The following BCL11B variants were observed in gnomAD, a reference collection of about 807,000 sequenced individuals.
The protein encoded by BCL11B is BCL11 transcription factor B, also known as B-cell lymphoma/leukemia 11B.
In BCL11B, 8 loss-of-function variants were observed where a neutral mutation model predicts 49.9. The ratio of observed to expected loss-of-function variants is 0.16; its 90% CI spans 0.09 to 0.29. The LOEUF is 0.29. Among genes scored for constraint, BCL11B ranks in the 10% least tolerant of loss-of-function variants. The pLI is 1.00. For missense variants in BCL11B, 1,006 were observed against 1,351.0 expected (o/e 0.74, Z 4.00); for synonymous variants, 739 against 637.4 (o/e 1.16, Z -2.40).
rs1887150592 is a variant in BCL11B at position 99,195,385 on chromosome 14, A to G, written c.641-19190T>C. ...GGCTCCCCCAGCACCTCCATTTTGC[A>G]GATGAGACCAGAATGCTGCAGGCGA... On this transcript the variant is annotated intron_variant, in intron 3 of 3. Coordinates refer to ENST00000357195, the MANE Select transcript of BCL11B (RefSeq NM_138576.4). The surrounding 1 kb of genome is among the most constrained non-coding windows in gnomAD (Gnocchi z 4.7). Among the ~76,000 whole-genome samples, 1 of 152,126 alleles carries G rather than the reference A, an allele frequency of 6.6e-6. No homozygotes were observed. The highest frequency in any genetic ancestry group is 6.5e-5 in the Admixed American group (1 of 15,284).
intron 3 of BCL11B, among the ~76,000 whole-genome samples, chr14:99,196,697 C>T (rs1421517888): frequency 6.6e-5 from 10 of 152,172 alleles, no homozygotes; most frequent in African/African-American, 1.7e-4. Context: ...GTTTGTCCAC[C>T]ATCAGAGAGG....
chr14:99,202,429 AGCTCACT>A (rs2139822937), intron 3 of BCL11B, among the ~76,000 whole-genome samples: 1 of 152,358 alleles, frequency 6.6e-6, no homozygotes, highest in East Asian at 1.9e-4. Context: ...CCAGCTTGTC[AGCTCACT>A]GCCCTTCCAT....
At chr14:99,237,771 C>T (rs917013144) in intron 2 of BCL11B, among the ~76,000 whole-genome samples, 5 of 152,170 alleles carry the variant, frequency 3.3e-5, no homozygotes, top group Non-Finnish European at 4.4e-5. Flanking sequence ...TTCGAATCTA[C>T]GTTTGGCCTC....
intron 2 of BCL11B, among the ~76,000 whole-genome samples, chr14:99,237,521 A>G (rs1888538332): frequency 6.6e-6 from 1 of 152,110 alleles, no homozygotes; most frequent in South Asian, 2.1e-4. Flanking sequence ...GGAGCTCCCC[A>G]GGCCCCACCT....
At chr14:99,253,866 A>C (rs1426500366) in intron 2 of BCL11B, among the ~76,000 whole-genome samples, 1 of 152,218 alleles carries the variant, frequency 6.6e-6, no homozygotes, top group Non-Finnish European at 1.5e-5. Flanking sequence ...GTAAACCTAT[A>C]GGCAGCGATG....
chr14:99,212,762 C>T (rs989992162), intron 3 of BCL11B, among the ~76,000 whole-genome samples: 23 of 152,168 alleles, frequency 1.5e-4, no homozygotes, highest in African/African-American at 5.3e-4. Flanking sequence ...GTGACCCAGG[C>T]CCTGACAGGG....
chr14:99,224,265 ACT>A (rs746162969), intron 3 of BCL11B, among the ~76,000 whole-genome samples: 8 of 151,608 alleles, frequency 5.3e-5, no homozygotes, highest in Non-Finnish European at 1.0e-4. Flanking sequence ...CTGTTTTGAG[ACT>A]CTCTGTCCAA....
At chr14:99,215,011 A>C (rs1457617835) in intron 3 of BCL11B, among the ~76,000 whole-genome samples, 1 of 152,134 alleles carries the variant, frequency 6.6e-6, no homozygotes, top group East Asian at 1.9e-4. Context: ...CTGGACAGCT[A>C]CAGCGGAATG....
rs1023091517 is a variant in BCL11B, at chr14:99,231,146, G to A, written c.640+199C>T. On this transcript the variant is annotated intron_variant, in intron 3 of 3. Coordinates refer to ENST00000357195, the MANE Select transcript of BCL11B (RefSeq NM_138576.4). This position sits in a 1 kb window ranked among gnomAD's most constrained non-coding sequence, Gnocchi z 8.1. ...GACTCTCAGAACGGGTGGGGGCACC[G>A]TGGGGGACTCCTGACCGAGGGGCAC... Among the ~76,000 whole-genome samples, 4 of 152,204 alleles carry A rather than the reference G, an allele frequency of 2.6e-5. No homozygotes were observed. The highest frequency in any genetic ancestry group is 4.8e-5 in the African/African-American group (2 of 41,454).
chr14:99,230,862 T>C (rs1757454741), intron 3 of BCL11B, among the ~76,000 whole-genome samples: 1 of 152,172 alleles, frequency 6.6e-6, no homozygotes, highest in Admixed American at 6.5e-5. Context: ...ACTTTTTTTC[T>C]TTTTCAAAGC....
At chr14:99,249,969 C>T (rs2139936105) in intron 2 of BCL11B, among the ~76,000 whole-genome samples, 1 of 150,750 alleles carries the variant, frequency 6.6e-6, no homozygotes, top group African/African-American at 2.4e-5. Flanking sequence ...CTCACTAAAA[C>T]TACAAAAATT....
At chr14:99,206,201 C>T (rs2462916) in intron 3 of BCL11B, among the ~76,000 whole-genome samples, 120,192 of 152,020 alleles carry the variant, frequency 0.79, 47,871 homozygotes, top group Non-Finnish European at 0.84. Context: ...ATCTCTTATC[C>T]CTGGGGGCCA....
intron 3 of BCL11B, among the ~76,000 whole-genome samples, chr14:99,199,676 GTGTGTGTGCGCGCGCGCGCGCACGTGCA>G (rs1207221569): frequency 1.4e-5 from 1 of 70,386 alleles, no homozygotes; most frequent in Non-Finnish European, 3.4e-5. Context: ...GTGTGTGTGT[GTGTGTGTGCGCGCGCGCGCGCACGTGCA>G]CGTGTGTGCG....
chr14:99,240,574 G>A (rs1212256900), intron 2 of BCL11B, among the ~76,000 whole-genome samples: 1 of 152,130 alleles, frequency 6.6e-6, no homozygotes, highest in Non-Finnish European at 1.5e-5. Flanking sequence ...TATGTAGATG[G>A]CATTTAATAT....
chr14:99,243,430 G>T (rs1014401795), intron 2 of BCL11B, among the ~76,000 whole-genome samples: 1 of 152,126 alleles, frequency 6.6e-6, no homozygotes, highest in African/African-American at 2.4e-5. Flanking sequence ...AACAATAACA[G>T]TTCTCCATTT....
In BCL11B at chr14:99,242,295, TC is replaced by T. The variant is rs1315839017; in HGVS notation, c.428-10739del. On this transcript the variant is annotated intron_variant, in intron 2 of 3. Transcript: ENST00000357195. The surrounding 1 kb of genome is among the most constrained non-coding windows in gnomAD (Gnocchi z 4.4). ...CGTTGCATGATCTTGTCCCCCTGCT[TC>T]CCTACCTTTTCTCGCAAACCATGTG... is the stretch of plus-strand genomic sequence containing the variant. 6.6e-6 allele frequency among the ~76,000 whole-genome samples: 1 copy of T among 152,198 alleles called. No individual in the cohort carries two copies. Among genetic ancestry groups the T allele is most frequent in the Non-Finnish European group, 1.5e-5 (1 of 68,034 alleles).
chr14:99,172,104 A>G lies in BCL11B; in HGVS notation c.*2047T>C, dbSNP rs1886309787. The G allele has an allele frequency of 4.5e-6, 1 of 222,170 alleles. No individual in the cohort carries two copies. Among genetic ancestry groups the G allele is most frequent in the African/African-American group, 2.2e-5 (1 of 44,692 alleles). The allele number at this position is 222,170 out of a possible 1,614,324, so 13.8% of individuals were successfully genotyped here. A position where few individuals can be genotyped will look rare whatever the true frequency, so the allele number is the denominator to read the frequency against. ...TTTTTTTTACCCTTGTATGTACCCA[A>G]TACTGTAAACGTATTTTTAAGACAG... is the stretch of plus-strand genomic sequence containing the variant. On this transcript the variant is annotated 3_prime_UTR_variant, in exon 4 of 4. Coordinates refer to ENST00000357195, the MANE Select transcript of BCL11B (RefSeq NM_138576.4).
intron 3 of BCL11B, among the ~76,000 whole-genome samples, chr14:99,183,117 G>A (rs183564735): frequency 1.3e-5 from 2 of 152,222 alleles, no homozygotes; most frequent in South Asian, 2.1e-4. Context: ...TATGAGTGAC[G>A]CTAGGAGGAG....
chr14:99,269,143 T>TCCCCCCCCCC (rs1566838293), intron 1 of BCL11B, among the ~76,000 whole-genome samples: 1 of 122,866 alleles, frequency 8.1e-6, no homozygotes, highest in Non-Finnish European at 1.7e-5. Context: ...CCCCATCCAC[T>TCCCCCCCCCC]CCCCCTTCCC....
Sources: gnomAD v4.1 joint callset for allele counts (sites outside exome capture counted in the v4.1 genomes callset) on GRCh38, gnomAD v4.1.1 for gene constraint, Gnocchi (gnomAD v3.1) non-coding constraint, MANE v1.5 for transcripts, NCBI Gene and HGNC (gene_info 2026-07-23, HGNC 2026-07-21) for gene names.